The following ABCC1 variants were observed in gnomAD, a reference collection of about 807,000 sequenced individuals.
The protein encoded by ABCC1 is multidrug resistance-associated protein 1.
A neutral mutation model predicts 172.9 loss-of-function variants in ABCC1; 83 were observed. The observed-to-expected ratio is 0.48, with a 90% CI of 0.40 to 0.58. ABCC1 has a LOEUF of 0.58. Ranked by LOEUF, ABCC1 falls within the 20% of genes least tolerant of loss-of-function variation. ABCC1 has a pLI of 0.00. For missense variants in ABCC1, 1,817 were observed against 2,002.7 expected (o/e 0.91, Z 1.77); for synonymous variants, 937 against 825.2 (o/e 1.14, Z -2.32).
intron 1 of ABCC1, among the ~76,000 whole-genome samples, chr16:15,955,372 G>GC (rs1372170202): frequency 6.6e-6 from 1 of 151,986 alleles, no homozygotes; most frequent in Non-Finnish European, 1.5e-5. Context: ...AAAGAAAACA[G>GC]CCACCTGTTC....
intron 1 of ABCC1, among the ~76,000 whole-genome samples, chr16:15,960,490 A>G (rs1295061482): frequency 1.3e-5 from 2 of 152,150 alleles, no homozygotes; most frequent in Non-Finnish European, 2.9e-5. Flanking sequence ...TGCTCTAGGC[A>G]CTGAGGATAC....
chr16:16,045,078 G>T (rs373348353), intron 8 of ABCC1, among the ~76,000 whole-genome samples: 5 of 152,238 alleles, frequency 3.3e-5, no homozygotes, highest in African/African-American at 1.2e-4. Flanking sequence ...GAAACCAAGA[G>T]CAAGGAAATG....
chr16:15,958,832 A>C (rs1173350726), intron 1 of ABCC1, among the ~76,000 whole-genome samples: 1 of 152,106 alleles, frequency 6.6e-6, no homozygotes, highest in Non-Finnish European at 1.5e-5. Context: ...GACATGGAGC[A>C]CAGTTGCTCA....
At chr16:16,120,207 C>A (rs930138465) in intron 23 of ABCC1, among the ~76,000 whole-genome samples, 2 of 151,716 alleles carry the variant, frequency 1.3e-5, no homozygotes, top group African/African-American at 2.4e-5. Context: ...TGGCCCAGGG[C>A]AGGATGCAGG....
In ABCC1 at chr16:16,033,257, C is replaced by T. The variant is rs2048621374; in HGVS notation, c.677+87C>T. On this transcript the variant is annotated intron_variant, in intron 6 of 30. Transcript: ENST00000399410. ...CGAATGAACATGCTCAGCTCCCCCT[C>T]CCCAACTTCTCCCTCCTTTGCTCTT... The T allele has an allele frequency of 1.2e-5, 16 of 1,313,812 alleles. No homozygotes were observed. The South Asian group carries it at 1.9e-4, about 16-fold the overall frequency. 81.4% of individuals were successfully genotyped at this position (1,313,812 alleles called of 1,614,324 possible). A position where few individuals can be genotyped will look rare whatever the true frequency, so the allele number is the denominator to read the frequency against.
intron 26 of ABCC1, among the ~76,000 whole-genome samples, chr16:16,130,809 A>G (rs539530719): frequency 5.9e-5 from 9 of 152,218 alleles, no homozygotes; most frequent in Non-Finnish European, 1.0e-4. Flanking sequence ...TTAAAAGTTT[A>G]CCTATCATGT....
intron 1 of ABCC1, among the ~76,000 whole-genome samples, chr16:15,982,813 A>AT: frequency 6.7e-6 from 1 of 149,068 alleles, no homozygotes; most frequent in Non-Finnish European, 1.5e-5. Flanking sequence ...CAAAAAAAAA[A>AT]AAAAAAAAAA....
Position 16,105,964 on chromosome 16 carries a change from C to T in ABCC1, c.2736-774C>T, listed in dbSNP as rs561209524. Reference sequence around the variant, plus strand: ...CAATCACGGCTCACTGCAATTTCTGCCTCTGGGATTCAAGCGATTCTCCTG... The same window carrying T: ...CAATCACGGCTCACTGCAATTTCTGTCTCTGGGATTCAAGCGATTCTCCTG... On this transcript the variant is annotated intron_variant, in intron 20 of 30. Transcript: ENST00000399410. 4.7e-5 allele frequency among the ~76,000 whole-genome samples: 7 copies of T among 149,524 alleles called. No homozygotes were observed. In the South Asian group the frequency reaches 1.3e-3, roughly 27 times the overall value.
chr16:16,093,481 T>C (rs894969732), intron 19 of ABCC1, among the ~76,000 whole-genome samples: 1 of 152,112 alleles, frequency 6.6e-6, no homozygotes, highest in African/African-American at 2.4e-5. Flanking sequence ...CAGCACTTAA[T>C]TTGGTGATGC....
intron 22 of ABCC1, among the ~76,000 whole-genome samples, chr16:16,113,151 A>C (rs2044695471): frequency 6.6e-6 from 1 of 152,146 alleles, no homozygotes. Context: ...CAGAGCACAC[A>C]TGGACTCCTT....
At chr16:16,131,996 C>A in intron 27 of ABCC1, 61 bp downstream of exon 27, 1 of 1,576,940 alleles carries the variant, frequency 6.3e-7, no homozygotes, top group Non-Finnish European at 8.6e-7. Flanking sequence ...TGCCATCGGG[C>A]AGGTGAACCT....
chr16:16,021,198 A>T (rs1387046470), intron 5 of ABCC1, among the ~76,000 whole-genome samples: 2 of 152,096 alleles, frequency 1.3e-5, no homozygotes. Context: ...GCCTCACAGG[A>T]CATCAGATTA....
intron 28 of ABCC1, among the ~76,000 whole-genome samples, chr16:16,136,013 C>CT (rs71137916): frequency 6.8e-5 from 10 of 146,988 alleles, no homozygotes; most frequent in African/African-American, 1.0e-4. Flanking sequence ...ACTTTCCAGA[C>CT]TTTTTTTTTT....
In ABCC1 at chr16:16,086,719, T is replaced by G. The variant is rs2051022111; in HGVS notation, c.2293-105T>G. 7 of 1,313,614 alleles carry G rather than the reference T, an allele frequency of 5.3e-6. No homozygotes were observed. In the South Asian group the frequency reaches 9.2e-5, roughly 17 times the overall value. 81.4% of individuals were successfully genotyped at this position (1,313,614 alleles called of 1,614,324 possible). A position where few individuals can be genotyped will look rare whatever the true frequency, so the allele number is the denominator to read the frequency against. ...CCTGGTCTCAAGCAGTCCTTCCACC[T>G]TGGCCTCCCAAAGTTCTGGGATCAC... On this transcript the variant is annotated intron_variant, in intron 17 of 30. Coordinates refer to ENST00000399410, the MANE Select transcript of ABCC1 (RefSeq NM_004996.4).
In ABCC1 at chr16:16,040,911, C is replaced by T. The variant is rs534026258; in HGVS notation, c.810-3539C>T. Among the ~76,000 whole-genome samples the T allele has an allele frequency of 7.2e-5, 11 of 152,104 alleles. No homozygotes were observed. In the East Asian group the frequency reaches 1.4e-3, roughly 19 times the overall value. Reference sequence around the variant, plus strand: ...TCCATGAAGTCCCTTCATGCCTCACCGGGAGCCGCCATTGTATTTATTTAT... The same window carrying T: ...TCCATGAAGTCCCTTCATGCCTCACTGGGAGCCGCCATTGTATTTATTTAT... On this transcript the variant is annotated intron_variant, in intron 7 of 30. Transcript: ENST00000399410.
At chr16:16,055,549 C>CAAAA (rs35490080) in intron 11 of ABCC1, among the ~76,000 whole-genome samples, 4 of 142,702 alleles carry the variant, frequency 2.8e-5, no homozygotes, top group African/African-American at 7.7e-5. Flanking sequence ...GACTCCGTCA[C>CAAAA]AAAAAAAAAA....
At chr16:16,117,597 C>T (rs959006065) in intron 23 of ABCC1, among the ~76,000 whole-genome samples, 2 of 152,202 alleles carry the variant, frequency 1.3e-5, no homozygotes, top group African/African-American at 4.8e-5. Flanking sequence ...GGGCACATTG[C>T]ACTTCCCAGC....
intron 1 of ABCC1, among the ~76,000 whole-genome samples, chr16:15,994,285 T>C (rs533387375): frequency 1.3e-5 from 2 of 152,076 alleles, no homozygotes; most frequent in East Asian, 3.9e-4. Flanking sequence ...GGTTTAGAGG[T>C]GGTGGATCTC....
At chr16:16,028,703 A>C (rs1485636082) in intron 5 of ABCC1, among the ~76,000 whole-genome samples, 1 of 151,644 alleles carries the variant, frequency 6.6e-6, no homozygotes, top group Non-Finnish European at 1.5e-5. Context: ...ACACAGTCCC[A>C]TGGGCCTCAT....
Sources: allele counts gnomAD v4.1 joint callset (sites outside exome capture counted in the v4.1 genomes callset), GRCh38; gene constraint gnomAD v4.1.1; transcripts MANE v1.5; gene names NCBI Gene and HGNC (gene_info 2026-07-23, HGNC 2026-07-21).